Variants in CALN1 observed in about 807,000 individuals in gnomAD.
The protein encoded by CALN1 is calcium-binding protein 8.
Under a neutral mutation model 30.6 loss-of-function variants are expected in CALN1, and 17 were observed. The observed-to-expected ratio is 0.56, with a 90% CI of 0.38 to 0.83. The LOEUF is 0.83. Ranked by LOEUF, CALN1 falls within the 40% of genes least tolerant of loss-of-function variation. CALN1 has a pLI of 0.00. For missense variants in CALN1, 291 were observed against 354.9 expected (o/e 0.82, Z 1.45); for synonymous variants, 156 against 131.4 (o/e 1.19, Z -1.28).
In CALN1 at chr7:71,908,450, G is replaced by C. The variant is rs1170981368; in HGVS notation, c.502-97958C>G. Among the ~76,000 whole-genome samples, 3 of 152,272 alleles carry C rather than the reference G, an allele frequency of 2.0e-5. No individual in the cohort carries two copies. In the East Asian group the frequency reaches 5.8e-4, roughly 29 times the overall value. On this transcript the variant is annotated intron_variant, in intron 5 of 6. Transcript: ENST00000395275. ...ATAAATCACAAAGTTAACGTCGAAA[G>C]GTTTCTGAGAAGCCTGGAGAAAGAT...
intron 6 of CALN1, among the ~76,000 whole-genome samples, chr7:71,791,747 C>A (rs187297843): frequency 6.6e-6 from 1 of 152,142 alleles, no homozygotes; most frequent in African/African-American, 2.4e-5. Context: ...CGGTGGCTCA[C>A]GCCTGTAATC....
chr7:72,186,352 A>C (rs1790188420), intron 3 of CALN1, among the ~76,000 whole-genome samples: 1 of 91,278 alleles, frequency 1.1e-5, no homozygotes, highest in African/African-American at 3.3e-5. Flanking sequence ...CCTCCCTCAG[A>C]TAGGCAAGGA....
At chr7:71,919,153 C>T (rs1328626861) in intron 5 of CALN1, among the ~76,000 whole-genome samples, 4 of 152,328 alleles carry the variant, frequency 2.6e-5, no homozygotes, top group South Asian at 2.1e-4. Context: ...GATGCTGCCA[C>T]GCTTCTTAAC....
In CALN1 at chr7:72,247,088, C is replaced by G. The variant is rs1795219928; in HGVS notation, c.244+31598G>C. ...AGAACAATTTTTATATAATCACAGACAGCCCAGTGTATGCCCTGTGGCCAC... is the reference window on the plus strand; with the variant it reads ...AGAACAATTTTTATATAATCACAGAGAGCCCAGTGTATGCCCTGTGGCCAC... On this transcript the variant is annotated intron_variant, in intron 3 of 6. Transcript: ENST00000395275. 2.6e-5 allele frequency among the ~76,000 whole-genome samples: 4 copies of G among 151,550 alleles called. No individual in the cohort carries two copies. The South Asian group carries it at 8.3e-4, about 32-fold the overall frequency.
intron 5 of CALN1, among the ~76,000 whole-genome samples, chr7:71,976,627 A>G (rs17144172): frequency 0.054 from 8,154 of 152,248 alleles, 521 homozygotes; most frequent in African/African-American, 0.16. Flanking sequence ...GGCTGCTTGA[A>G]AGGCTGCGTG....
intron 3 of CALN1, among the ~76,000 whole-genome samples, chr7:72,241,786 G>A (rs1260990575): frequency 1.3e-5 from 2 of 151,946 alleles, no homozygotes; most frequent in Non-Finnish European, 2.9e-5. Flanking sequence ...ACTCAGCCAT[G>A]CCTCTTTAGT....
rs1793076373 is a variant in CALN1 at position 71,888,917 on chromosome 7, G to A, written c.502-78425C>T. On this transcript the variant is annotated intron_variant, in intron 5 of 6. Coordinates refer to ENST00000395275, the MANE Select transcript of CALN1 (RefSeq NM_031468.4). ...AAAAGAATGAACAATGTTCACCTTC[G>A]ATGTTCCCTTTTGTTCACAATGTAG... 2.6e-5 allele frequency among the ~76,000 whole-genome samples: 4 copies of A among 152,228 alleles called. No individual in the cohort carries two copies. The South Asian group carries it at 8.3e-4, about 32-fold the overall frequency.
chr7:72,088,028 T>C (rs1445597157), intron 4 of CALN1, among the ~76,000 whole-genome samples: 2 of 152,028 alleles, frequency 1.3e-5, no homozygotes, highest in African/African-American at 4.8e-5. Context: ...ATTTGCCAGG[T>C]GTGGTTGCAC....
intron 5 of CALN1, among the ~76,000 whole-genome samples, chr7:71,906,175 A>T (rs904149933): frequency 6.6e-6 from 1 of 152,160 alleles, no homozygotes; most frequent in African/African-American, 2.4e-5. Context: ...ACTCCCTATC[A>T]TTGCTGGAAG....
intron 5 of CALN1, among the ~76,000 whole-genome samples, chr7:71,959,380 G>T (rs940991995): frequency 6.6e-6 from 1 of 152,146 alleles, no homozygotes. Flanking sequence ...AGACTTGGTT[G>T]TTTTTATATA....
At chr7:72,229,927 G>C (rs1320068316) in intron 3 of CALN1, among the ~76,000 whole-genome samples, 2 of 151,904 alleles carry the variant, frequency 1.3e-5, no homozygotes, top group Non-Finnish European at 2.9e-5. Context: ...CGGATCATGA[G>C]GTCAGGAGAT....
chr7:72,152,641 A>G (rs1378521678), intron 3 of CALN1, among the ~76,000 whole-genome samples: 1 of 152,202 alleles, frequency 6.6e-6, no homozygotes. Context: ...TTTCCCGGCC[A>G]AAGCTGGTGC....
intron 4 of CALN1, among the ~76,000 whole-genome samples, chr7:72,062,511 C>CAAAAAAAAAAAAAAAAAAAAAA (rs376093442): frequency 3.4e-5 from 2 of 59,372 alleles, no homozygotes; most frequent in African/African-American, 1.5e-4. Context: ...GACTCTATCT[C>CAAAAAAAAAAAAAAAAAAAAAA]AAAAAAAAAA....
At chr7:72,009,141 G>C (rs1022989553) in intron 5 of CALN1, among the ~76,000 whole-genome samples, 1 of 152,122 alleles carries the variant, frequency 6.6e-6, no homozygotes, top group Admixed American at 6.6e-5. Context: ...TTATGAACTA[G>C]CAAGCCTAAA....
intron 2 of CALN1, among the ~76,000 whole-genome samples, chr7:72,341,066 G>T (rs1388367063): frequency 6.6e-6 from 1 of 152,176 alleles, no homozygotes; most frequent in East Asian, 1.9e-4. Flanking sequence ...TATTTACAGG[G>T]GTTTCCACAA....
chr7:72,044,908 C>T (rs766058572), intron 4 of CALN1, among the ~76,000 whole-genome samples: 2 of 152,206 alleles, frequency 1.3e-5, no homozygotes, highest in Non-Finnish European at 2.9e-5. Flanking sequence ...GCGTGAGCCA[C>T]TGCACCCAGC....
At chr7:72,407,767 G>A (rs900300099) in intron 1 of CALN1, among the ~76,000 whole-genome samples, 1 of 152,104 alleles carries the variant, frequency 6.6e-6, no homozygotes, top group African/African-American at 2.4e-5. Flanking sequence ...CACTAATACT[G>A]ACTGAGCTTC....
At chr7:72,053,332 CAT>C (rs1802960728) in intron 4 of CALN1, among the ~76,000 whole-genome samples, 1 of 152,208 alleles carries the variant, frequency 6.6e-6, no homozygotes, top group Non-Finnish European at 1.5e-5. Flanking sequence ...TATGCAGATT[CAT>C]AGACACTCTG....
At chr7:71,976,104 T>C (rs949760490) in intron 5 of CALN1, among the ~76,000 whole-genome samples, 1 of 151,926 alleles carries the variant, frequency 6.6e-6, no homozygotes, top group Non-Finnish European at 1.5e-5. Flanking sequence ...AACATTTATT[T>C]CTGGTCACTG....
Sources: allele counts gnomAD v4.1 joint callset (sites outside exome capture counted in the v4.1 genomes callset), GRCh38; gene constraint gnomAD v4.1.1; transcripts MANE v1.5; gene names NCBI Gene and HGNC (gene_info 2026-07-23, HGNC 2026-07-21).